Variants in PHF6 observed in about 807,000 individuals in gnomAD.
PHF6 encodes PHD-like zinc finger protein.
Under a neutral mutation model 34.0 loss-of-function variants are expected in PHF6, and 7 were observed. The observed-to-expected ratio is 0.21, with a 90% CI of 0.12 to 0.39. PHF6 has a LOEUF of 0.39. Ranked by LOEUF, PHF6 falls within the 10% of genes least tolerant of loss-of-function variation. PHF6 has a pLI of 1.00. For missense variants in PHF6, 128 were observed against 262.8 expected (o/e 0.49, Z 3.55); for synonymous variants, 89 against 88.4 (o/e 1.01, Z -0.04).
intron 3 of PHF6, among the ~76,000 whole-genome samples, chrX:134,393,073 C>T (rs1285326985): frequency 1.8e-5 from 2 of 112,217 alleles, no homozygotes; most frequent in African/African-American, 6.5e-5. Context: ...GCTGGGATTA[C>T]AGGCATGAGC....
At chrX:134,399,018 C>CT (rs928466428) in intron 5 of PHF6, among the ~76,000 whole-genome samples, 6 of 110,997 alleles carry the variant, frequency 5.4e-5, no homozygotes, top group African/African-American at 2.0e-4. Flanking sequence ...CCTTGAGGAA[C>CT]TTTAACAATT....
At chrX:134,392,905 T>C (rs761867714) in intron 3 of PHF6, among the ~76,000 whole-genome samples, 87 of 110,915 alleles carry the variant, frequency 7.8e-4, no homozygotes, top group Non-Finnish European at 1.3e-3. Flanking sequence ...GTTCAAGCAG[T>C]TATGCTTCAG....
intron 3 of PHF6, among the ~76,000 whole-genome samples, chrX:134,381,992 A>G (rs746122089): frequency 1.8e-5 from 2 of 111,560 alleles, no homozygotes; most frequent in Non-Finnish European, 3.8e-5. Context: ...CCCCAAAGAA[A>G]AGAACAGAGA....
At chrX:134,423,891 C>T (rs868650515) in intron 9 of PHF6, among the ~76,000 whole-genome samples, 5 of 109,994 alleles carry the variant, frequency 4.5e-5, no homozygotes, top group African/African-American at 9.9e-5. Context: ...GCCTTACACT[C>T]ATAGGTGGGA....
At chrX:134,404,229 T>C (rs756624155) in intron 5 of PHF6, among the ~76,000 whole-genome samples, 4 of 112,252 alleles carry the variant, frequency 3.6e-5, no homozygotes, top group African/African-American at 1.3e-4. Flanking sequence ...GGTCAACATA[T>C]CGATGTTAAC....
chrX:134,381,103 C>T (rs368990517), intron 3 of PHF6, among the ~76,000 whole-genome samples: 41 of 110,708 alleles, frequency 3.7e-4, no homozygotes, highest in East Asian at 3.1e-3. Context: ...ACCGTCTGTC[C>T]GCCTCGGCCT....
At chrX:134,378,729 T>G (rs1273294760) in intron 3 of PHF6, among the ~76,000 whole-genome samples, 1 of 112,459 alleles carries the variant, frequency 8.9e-6, no homozygotes, top group Non-Finnish European at 1.9e-5. Flanking sequence ...AGTTGGTACT[T>G]ATGACACATT....
chrX:134,383,001 G>T (rs2077314223), intron 3 of PHF6, among the ~76,000 whole-genome samples: 1 of 110,461 alleles, frequency 9.1e-6, no homozygotes, highest in African/African-American at 3.3e-5. Flanking sequence ...CTAGTGCTTT[G>T]GGAGGCCGAC....
intron 5 of PHF6, among the ~76,000 whole-genome samples, chrX:134,412,593 A>G (rs2077455597): frequency 8.9e-6 from 1 of 111,759 alleles, no homozygotes; most frequent in Admixed American, 9.6e-5. Flanking sequence ...TGGCAAGTGA[A>G]CATTTGGTTT....
chrX:134,378,462 CCAT>C (rs1454635604), intron 3 of PHF6, among the ~76,000 whole-genome samples: 8 of 111,992 alleles, frequency 7.1e-5, no homozygotes, highest in African/African-American at 2.3e-4. Context: ...GTTTTCATCT[CCAT>C]CATAAAGTTA....
rs2077513557 is a variant in PHF6, at chrX:134,428,177, A to T, written c.*2517A>T. The T allele has an allele frequency of 6.8e-6, 1 of 147,477 alleles. No individual in the cohort carries two copies. Among genetic ancestry groups the T allele is most frequent in the South Asian group, 3.6e-4 (1 of 2,757 alleles). The allele number at this position is 147,477 out of a possible 1,213,427, so 12.2% of individuals were successfully genotyped here. A position where few individuals can be genotyped will look rare whatever the true frequency, so the allele number is the denominator to read the frequency against. ...TAAACAGTGTAATCTTTGCAAGCGT[A>T]TATTGAAGATTATTCTGGAGCATTT... On this transcript the variant is annotated 3_prime_UTR_variant, in exon 11 of 11. Coordinates refer to ENST00000370803, the MANE Select transcript of PHF6 (RefSeq NM_001015877.2).
intron 8 of PHF6, 143 bp downstream of exon 8, chrX:134,415,263 A>C: frequency 9.8e-7 from 1 of 1,024,647 alleles, no homozygotes; most frequent in Non-Finnish European, 1.4e-6. Context: ...CTTATTTGTA[A>C]TATAATAAAG....
chrX:134,419,630 G>A (rs1454458921), intron 9 of PHF6: 1 of 110,997 alleles, frequency 9.0e-6, no homozygotes, highest in Non-Finnish European at 1.9e-5. Context: ...CCAGGAGTGA[G>A]CCTCAGAATC....
intron 9 of PHF6, chrX:134,418,719 C>T (rs2077480631): frequency 8.9e-6 from 1 of 111,755 alleles, no homozygotes. Context: ...TTAAGAGGTC[C>T]AGCACATAGC....
intron 9 of PHF6, among the ~76,000 whole-genome samples, chrX:134,424,723 C>G (rs973422252): frequency 8.0e-4 from 90 of 111,833 alleles, no homozygotes; most frequent in African/African-American, 2.5e-3. Flanking sequence ...CCAGTGAAGG[C>G]TAGGATGCTA....
intron 3 of PHF6, among the ~76,000 whole-genome samples, chrX:134,385,337 T>C (rs761557549): frequency 1.8e-5 from 2 of 111,973 alleles, no homozygotes; most frequent in East Asian, 5.6e-4. Context: ...TCATATAGCA[T>C]AACACAATAT....
At position 134,425,067 on chromosome X, in the gene PHF6, T is replaced by G. The variant is rs1265582038; in HGVS notation, c.969-134T>G. On this transcript the variant is annotated intron_variant, in intron 9 of 10. Coordinates refer to ENST00000370803, the MANE Select transcript of PHF6 (RefSeq NM_001015877.2). Reference sequence around the variant, plus strand: ...AGATAAAAATGGGTCTGTAACTAATTGGGGAGTATTTTTTAAAGTGTGGAT... The same window carrying G: ...AGATAAAAATGGGTCTGTAACTAATGGGGGAGTATTTTTTAAAGTGTGGAT... 9.8e-6 allele frequency: 7 copies of G among 717,277 alleles called. No homozygotes were observed. The African/African-American group carries it at 1.3e-4, about 13-fold the overall frequency. The allele number at this position is 717,277 out of a possible 1,213,427, so 59.1% of individuals were successfully genotyped here.
chrX:134,394,461 C>G (rs2077368285), intron 5 of PHF6, among the ~76,000 whole-genome samples: 2 of 109,178 alleles, frequency 1.8e-5, no homozygotes, highest in African/African-American at 6.7e-5. Flanking sequence ...AAACTTTTAC[C>G]CCAAAGTCCT....
chrX:134,398,079 G>A (rs1309256597), intron 5 of PHF6, among the ~76,000 whole-genome samples: 1 of 111,835 alleles, frequency 8.9e-6, no homozygotes, highest in Non-Finnish European at 1.9e-5. Flanking sequence ...CCAAGGAATT[G>A]ATAGAAAGCT....
Sources: gnomAD v4.1 joint callset for allele counts (sites outside exome capture counted in the v4.1 genomes callset) on GRCh38, gnomAD v4.1.1 for gene constraint, MANE v1.5 for transcripts, NCBI Gene and HGNC (gene_info 2026-07-23, HGNC 2026-07-21) for gene names.